Variants in SGK3 observed in about 807,000 individuals in gnomAD.
The protein encoded by SGK3 is serum/glucocorticoid regulated kinase family member 3, also known as serine/threonine-protein kinase Sgk3.
A neutral mutation model predicts 68.5 loss-of-function variants in SGK3; 47 were observed. The ratio of observed to expected loss-of-function variants is 0.69; its 90% CI spans 0.54 to 0.87. SGK3 has a LOEUF of 0.87. Among genes scored for constraint, SGK3 ranks in the 40% least tolerant of loss-of-function variants. The probability of loss-of-function intolerance (pLI) is 0.00; values close to 1 mark genes in which losing one functional copy is unlikely to be tolerated. For missense variants in SGK3, 479 were observed against 575.5 expected (o/e 0.83, Z 1.72); for synonymous variants, 181 against 189.1 (o/e 0.96, Z 0.35).
At chr8:66,717,237 CAAA>C (rs925998705) in intron 1 of SGK3, among the ~76,000 whole-genome samples, 2 of 104,402 alleles carry the variant, frequency 1.9e-5, no homozygotes, top group Non-Finnish European at 3.5e-5. Context: ...ACAAAAAAAA[CAAA>C]AAAAAAACGC....
intron 5 of SGK3, 62 bp downstream of exon 5, chr8:66,813,990 T>C: frequency 7.4e-7 from 1 of 1,354,890 alleles, no homozygotes; most frequent in Non-Finnish European, 9.9e-7. Context: ...TACTGAATAA[T>C]CCTTATATAA....
chr8:66,719,456 A>G (rs1341664840), intron 1 of SGK3, among the ~76,000 whole-genome samples: 1 of 151,944 alleles, frequency 6.6e-6, no homozygotes, highest in East Asian at 1.9e-4. Flanking sequence ...CCTCCTGAGT[A>G]CTGGTATGTG....
intron 1 of SGK3, among the ~76,000 whole-genome samples, chr8:66,728,420 G>A (rs933429263): frequency 6.6e-6 from 1 of 151,508 alleles, no homozygotes; most frequent in South Asian, 2.1e-4. Flanking sequence ...TCCACCTCCC[G>A]GGTTCAAGCA....
intron 1 of SGK3, among the ~76,000 whole-genome samples, chr8:66,784,508 A>T (rs941556305): frequency 2.6e-5 from 4 of 152,170 alleles, no homozygotes; most frequent in African/African-American, 9.7e-5. Flanking sequence ...AACAATCTTT[A>T]TGATGGGTTA....
chr8:66,753,523 C>T (rs1410573229), intron 1 of SGK3, among the ~76,000 whole-genome samples: 1 of 152,134 alleles, frequency 6.6e-6, no homozygotes, highest in Non-Finnish European at 1.5e-5. Context: ...CTTGCAAAAA[C>T]TATTTTAAAA....
chr8:66,726,027 G>T (rs546377037), intron 1 of SGK3, among the ~76,000 whole-genome samples: 1 of 152,200 alleles, frequency 6.6e-6, no homozygotes, highest in East Asian at 1.9e-4. Context: ...GAAAATAAAG[G>T]TTGGTTTACT....
In SGK3 at chr8:66,835,817, C is replaced by G; in HGVS notation, c.580C>G (p.Gln194Glu). The change falls in exon 9 of 17, where the codon CAG becomes GAG. Residue 194 changes from glutamine (Q) to glutamate (E), a missense_variant. Physicochemically the swap from Gln to Glu is conservative, Grantham distance 29 (BLOSUM62 2). Around this residue, in one of 3 missense-constraint regions of SGK3, gnomAD observed 298 missense variants for 329.4 expected, o/e 0.90. Coordinates refer to ENST00000521198, the MANE Select transcript of SGK3 (RefSeq NM_001033578.3). ...AAAATTTTATGCTGTCAAAGTGTTA[C>G]AGAAAAAAATAGTTCTCAACAGAAA... ...DGKFYAVKVLQKKIVLNRKEQ... is the reference protein window; with the variant it reads ...DGKFYAVKVLEKKIVLNRKEQ... The G allele has an allele frequency of 6.2e-7, 1 of 1,610,434 alleles. No individual in the cohort carries two copies. The highest frequency in any genetic ancestry group is 8.5e-7 in the Non-Finnish European group (1 of 1,179,192).
At chr8:66,745,843 CAT>C (rs1222040587) in intron 1 of SGK3, among the ~76,000 whole-genome samples, 1 of 152,144 alleles carries the variant, frequency 6.6e-6, no homozygotes, top group Admixed American at 6.6e-5. Flanking sequence ...ACTGTGTCCT[CAT>C]ATGGCAAAAG....
chr8:66,771,749 A>C (rs542221005), intron 1 of SGK3, among the ~76,000 whole-genome samples: 1 of 152,302 alleles, frequency 6.6e-6, no homozygotes, highest in African/African-American at 2.4e-5. Context: ...AAAGTTGAAA[A>C]TAATCATGGA....
chr8:66,770,918 T>C lies in SGK3; in HGVS notation c.-121-22698T>C, dbSNP rs529009248. 2.6e-5 allele frequency among the ~76,000 whole-genome samples: 4 copies of C among 152,354 alleles called. No individual in the cohort carries two copies. In the East Asian group the frequency reaches 7.7e-4, roughly 29 times the overall value. On this transcript the variant is annotated intron_variant, in intron 1 of 16. Transcript: ENST00000521198. ...CTCCTTCATTCCACTCCCTGTATCA[T>C]GGTGTGTAAGGTATCTGAAAGTAGT... is the stretch of plus-strand genomic sequence containing the variant.
chr8:66,823,108 A>T (rs1264707231), intron 6 of SGK3, among the ~76,000 whole-genome samples: 2 of 152,234 alleles, frequency 1.3e-5, no homozygotes, highest in East Asian at 1.9e-4. Flanking sequence ...ATAGGGTTTT[A>T]AAATTACTTA....
chr8:66,764,212 G>A (rs951287744), intron 1 of SGK3, among the ~76,000 whole-genome samples: 3 of 152,038 alleles, frequency 2.0e-5, no homozygotes, highest in Non-Finnish European at 4.4e-5. Context: ...ATGATTACCT[G>A]AATAGAGTTT....
intron 1 of SGK3, among the ~76,000 whole-genome samples, chr8:66,752,146 C>T (rs1343087272): frequency 6.6e-6 from 1 of 152,120 alleles, no homozygotes; most frequent in Non-Finnish European, 1.5e-5. Context: ...AGCATTGTGC[C>T]ATGTGCCAAC....
In SGK3 at chr8:66,793,644, C is replaced by G; in HGVS notation, c.-93C>G. ...GCATGATGGAATTTGAACATTACTT[C>G]AAGAGGTTTTGTATTTTGGATTAGT... On this transcript the variant is annotated 5_prime_UTR_variant, in exon 2 of 17. Transcript: ENST00000521198. The G allele has an allele frequency of 8.7e-7, 1 of 1,144,318 alleles. No individual in the cohort carries two copies. Among genetic ancestry groups the G allele is most frequent in the Non-Finnish European group, 1.2e-6 (1 of 832,544 alleles). 70.9% of individuals were successfully genotyped at this position (1,144,318 alleles called of 1,614,324 possible). A position where few individuals can be genotyped will look rare whatever the true frequency, so the allele number is the denominator to read the frequency against.
chr8:66,838,254 C>T (rs1478156929), intron 10 of SGK3, among the ~76,000 whole-genome samples: 4 of 152,026 alleles, frequency 2.6e-5, no homozygotes, highest in African/African-American at 9.7e-5. Flanking sequence ...TTAGTAGAGA[C>T]GGGGTTTCGC....
chr8:66,790,648 G>A (rs951574081), intron 1 of SGK3: 2 of 152,204 alleles, frequency 1.3e-5, no homozygotes, highest in Non-Finnish European at 2.9e-5. Flanking sequence ...AAACAGCCAT[G>A]GATTTTCTAC....
In SGK3 at chr8:66,773,250, C is replaced by A. The variant is rs552108561; in HGVS notation, c.-121-20366C>A. 2.6e-5 allele frequency among the ~76,000 whole-genome samples: 4 copies of A among 152,226 alleles called. No individual in the cohort carries two copies. The South Asian group carries it at 8.3e-4, about 32-fold the overall frequency. On this transcript the variant is annotated intron_variant, in intron 1 of 16. Transcript: ENST00000521198. ...AGGATCAGATCAAACACCCTGAGTT[C>A]TTTGAATCTGTTCTTTATACAGAGA...
rs181928623 is a variant in SGK3, at chr8:66,833,348, A to G, written c.525+2037A>G. On this transcript the variant is annotated intron_variant, in intron 8 of 16. Transcript: ENST00000521198. Reference sequence around the variant, plus strand: ...TTTTGTGTTTCTGTTTCTACATTGCATTTCTGTTCATTTTCTGTTCATTGG... The same window carrying G: ...TTTTGTGTTTCTGTTTCTACATTGCGTTTCTGTTCATTTTCTGTTCATTGG... Among the ~76,000 whole-genome samples, 3 of 151,948 alleles carry G rather than the reference A, an allele frequency of 2.0e-5. No homozygotes were observed. In the East Asian group the frequency reaches 5.8e-4, roughly 29 times the overall value.
chr8:66,855,735 T>C (rs1183312782), intron 16 of SGK3, among the ~76,000 whole-genome samples: 2 of 152,208 alleles, frequency 1.3e-5, no homozygotes, highest in African/African-American at 4.8e-5. Context: ...CTTTCAATTA[T>C]ATGAAAAGAA....
Sources: gnomAD v4.1 joint callset for allele counts (sites outside exome capture counted in the v4.1 genomes callset) on GRCh38, gnomAD v4.1.1 for gene constraint, gnomAD v4.1.1 regional missense constraint, MANE v1.5 for transcripts, NCBI Gene and HGNC (gene_info 2026-07-23, HGNC 2026-07-21) for gene names.